HACE1: variants seen among roughly 807,000 people sequenced by gnomAD.
HACE1 encodes HECT domain and ankyrin repeat containing E3 ubiquitin protein ligase 1, also known as E3 ubiquitin-protein ligase HACE1.
HACE1 carries 73 observed loss-of-function variants against 118.4 expected under a neutral mutation model. The observed-to-expected ratio is 0.62, with a 90% CI of 0.51 to 0.75. The LOEUF is 0.75. Ranked by LOEUF, HACE1 falls within the 30% of genes least tolerant of loss-of-function variation. The pLI, the probability that HACE1 is intolerant of heterozygous loss-of-function variation, is 0.00. For synonymous variants in HACE1, 368 were observed against 374.8 expected (o/e 0.98, Z 0.21); for missense variants, 749 against 1,102.2 (o/e 0.68, Z 4.54).
At chr6:104,854,861 C>T (rs1264670672) in intron 1 of HACE1, among the ~76,000 whole-genome samples, 2 of 152,086 alleles carry the variant, frequency 1.3e-5, no homozygotes, top group African/African-American at 4.8e-5. Flanking sequence ...TGAGTGTATA[C>T]ATGAAAAACA....
At chr6:104,745,089 T>A (rs540247629) in intron 20 of HACE1, among the ~76,000 whole-genome samples, 2 of 152,126 alleles carry the variant, frequency 1.3e-5, no homozygotes, top group Non-Finnish European at 2.9e-5. Flanking sequence ...AAGGAGGTAA[T>A]ATAAAAATAG....
chr6:104,796,980 G>T lies in HACE1; in HGVS notation c.663C>A (p.Ala221=). ...CTCCATTTTTATCTGGCAGATATTT[G>T]GCTCCTCGTAATAGTAGGATCTGTG... ...DTAQILLLRG[A]KYLPDKNGVT... Residue 221 remains alanine, a synonymous_variant, in exon 8 of 24, where the codon GCC becomes GCA. Transcript: ENST00000262903. The T allele has an allele frequency of 6.2e-7, 1 of 1,604,694 alleles. No homozygotes were observed. Among genetic ancestry groups the T allele is most frequent in the Non-Finnish European group, 8.5e-7 (1 of 1,171,736 alleles).
At position 104,761,113 on chromosome 6, in the gene HACE1, G is replaced by A. The variant is rs541578015; in HGVS notation, c.2211+10080C>T. On this transcript the variant is annotated intron_variant, in intron 19 of 23. Coordinates refer to ENST00000262903, the MANE Select transcript of HACE1 (RefSeq NM_020771.4). Reference sequence around the variant, plus strand: ...AGGAAGAAGCAATATCATAAAAATGGCCTTACTGCCCAAAGTCATTTATAG... The same window carrying A: ...AGGAAGAAGCAATATCATAAAAATGACCTTACTGCCCAAAGTCATTTATAG... Among the ~76,000 whole-genome samples the A allele has an allele frequency of 2.6e-5, 4 of 152,222 alleles. No homozygotes were observed. The East Asian group carries it at 5.8e-4, about 22-fold the overall frequency.
intron 22 of HACE1, among the ~76,000 whole-genome samples, chr6:104,741,568 A>G (rs1267346644): frequency 8.8e-6 from 1 of 113,216 alleles, no homozygotes; most frequent in East Asian, 2.4e-4. Context: ...CAATTGCTTC[A>G]AAGAGAATAA....
At position 104,850,962 on chromosome 6, in the gene HACE1, C is replaced by T. The variant is rs1016410870; in HGVS notation, c.166G>A (p.Asp56Asn). The T allele has an allele frequency of 1.9e-6, 3 of 1,609,610 alleles. No individual in the cohort carries two copies. The highest frequency in any genetic ancestry group is 2.6e-6 in the Non-Finnish European group (3 of 1,176,014). Reference protein sequence around the residue: ...VSELLSNSKFDVNYAFGRVKR... With the variant: ...VSELLSNSKFNVNYAFGRVKR... ...ACACGTCCGAATGCATAATTGACAT[C>T]AAATTTTGAATTTGATAGTAGTTCA... The change falls in exon 3 of 24, where the codon GAT becomes AAT. Residue 56 changes from aspartate to asparagine, a missense_variant. Physicochemically the swap from Asp to Asn is conservative, Grantham distance 23. Coordinates refer to ENST00000262903, the MANE Select transcript of HACE1 (RefSeq NM_020771.4).
chr6:104,859,831 A>T lies in HACE1; in HGVS notation c.-189T>A, dbSNP rs1777145416. 1.8e-6 allele frequency: 1 copy of T among 551,452 alleles called. No homozygotes were observed. The highest frequency in any genetic ancestry group is 3.5e-5 in the East Asian group (1 of 28,968). 34.2% of individuals were successfully genotyped at this position (551,452 alleles called of 1,614,324 possible). ...CGGGGGCCGGGCTGCTGCCGGACCGACCACCTACAGTACACCCGCCGCCGC... is the reference window on the plus strand; with the variant it reads ...CGGGGGCCGGGCTGCTGCCGGACCGTCCACCTACAGTACACCCGCCGCCGC... On this transcript the variant is annotated 5_prime_UTR_variant, in exon 1 of 24. Transcript: ENST00000262903.
At chr6:104,783,485 C>T (rs1781969531) in intron 14 of HACE1, among the ~76,000 whole-genome samples, 1 of 152,208 alleles carries the variant, frequency 6.6e-6, no homozygotes, top group Non-Finnish European at 1.5e-5. Context: ...AGGCTGCTGT[C>T]ATTATCTCCA....
rs1464801278 is a variant in HACE1 at position 104,814,519 on chromosome 6, T to C, written c.535-3126A>G. Among the ~76,000 whole-genome samples, 2 of 138,672 alleles carry C rather than the reference T, an allele frequency of 1.4e-5. 1 individual carries two copies. The highest frequency in any genetic ancestry group is 5.8e-5 in the African/African-American group (2 of 34,766). The allele number at this position is 138,672 out of a possible 152,430, so 91.0% of individuals were successfully genotyped here. ...TAAATTATCTTCAATGCACCTTTTC[T>C]CAAGAAGCTACTGAAGCATATCCTC... On this transcript the variant is annotated intron_variant, in intron 6 of 23. Coordinates refer to ENST00000262903, the MANE Select transcript of HACE1 (RefSeq NM_020771.4).
chr6:104,856,785 CTCT>C (rs1408333018), intron 1 of HACE1, among the ~76,000 whole-genome samples: 1 of 152,108 alleles, frequency 6.6e-6, no homozygotes, highest in Non-Finnish European at 1.5e-5. Context: ...TAATTTCTTA[CTCT>C]TCACCTCTTT....
At chr6:104,815,432 A>T (rs1772011722) in intron 6 of HACE1, among the ~76,000 whole-genome samples, 1 of 134,972 alleles carries the variant, frequency 7.4e-6, no homozygotes, top group African/African-American at 3.0e-5. Flanking sequence ...TAATGGCATG[A>T]TCTCAACTCA....
intron 13 of HACE1, 43 bp from the exon 14 acceptor site, chr6:104,784,216 T>C (rs1235308696): frequency 9.0e-7 from 1 of 1,106,802 alleles, no homozygotes; most frequent in African/African-American, 1.5e-5. Context: ...GAAGAATGAG[T>C]AGCATTAAGT....
intron 5 of HACE1, among the ~76,000 whole-genome samples, chr6:104,833,448 T>A (rs530132260): frequency 6.6e-6 from 1 of 152,250 alleles, no homozygotes; most frequent in South Asian, 2.1e-4. Context: ...TGGGCTCAAG[T>A]GATCCTCTTG....
chr6:104,837,854 A>G (rs1774698830), intron 5 of HACE1, among the ~76,000 whole-genome samples: 1 of 152,196 alleles, frequency 6.6e-6, no homozygotes, highest in South Asian at 2.1e-4. Flanking sequence ...TAGAACTGGT[A>G]AATAAGTACG....
intron 1 of HACE1, among the ~76,000 whole-genome samples, chr6:104,855,343 C>G (rs765517532): frequency 6.6e-6 from 1 of 151,416 alleles, no homozygotes; most frequent in Non-Finnish European, 1.5e-5. Context: ...CTCGGGAGGT[C>G]GAGGTAGGAG....
chr6:104,764,792 A>T (rs939832515), intron 19 of HACE1, among the ~76,000 whole-genome samples: 1 of 152,072 alleles, frequency 6.6e-6, no homozygotes, highest in South Asian at 2.1e-4. Context: ...ATTTTTTTGC[A>T]TATGTAAGGC....
At chr6:104,787,964 A>G (rs573675328) in intron 11 of HACE1, among the ~76,000 whole-genome samples, 1 of 152,270 alleles carries the variant, frequency 6.6e-6, no homozygotes, top group South Asian at 2.1e-4. Context: ...CTTCAATCAT[A>G]CATACATTAA....
intron 9 of HACE1, among the ~76,000 whole-genome samples, chr6:104,795,992 T>C (rs1426063640): frequency 6.6e-6 from 1 of 152,232 alleles, no homozygotes; most frequent in Non-Finnish European, 1.5e-5. Context: ...GCAATTTTTC[T>C]AAGACTAAAA....
At chr6:104,850,488 T>C (rs1189709895) in intron 3 of HACE1, among the ~76,000 whole-genome samples, 1 of 152,144 alleles carries the variant, frequency 6.6e-6, no homozygotes, top group East Asian at 1.9e-4. Flanking sequence ...AGGTACCAAT[T>C]AGTTAACTGA....
intron 19 of HACE1, among the ~76,000 whole-genome samples, chr6:104,754,705 G>A (rs1229740981): frequency 2.0e-5 from 3 of 152,174 alleles, no homozygotes; most frequent in Non-Finnish European, 4.4e-5. Context: ...AAGCAAAGGA[G>A]AAATAAGATC....
Sources: allele counts gnomAD v4.1 joint callset (sites outside exome capture counted in the v4.1 genomes callset), GRCh38; gene constraint gnomAD v4.1.1; transcripts MANE v1.5; gene names NCBI Gene and HGNC (gene_info 2026-07-23, HGNC 2026-07-21).